The following USH2A variants were observed in gnomAD, a reference collection of about 807,000 sequenced individuals.
USH2A encodes Usher syndrome 2A (autosomal recessive, mild).
In USH2A, 443 loss-of-function variants were observed where a neutral mutation model predicts 538.9. The ratio of observed to expected loss-of-function variants is 0.82; its 90% confidence interval spans 0.76 to 0.89. The LOEUF (loss-of-function observed/expected upper bound fraction) is 0.89. Ranked by LOEUF, USH2A falls within the 40% of genes least tolerant of loss-of-function variation. The pLI, the probability that USH2A is intolerant of heterozygous loss-of-function variation, is 0.00. For missense variants in USH2A, 6,633 were observed against 6,324.8 expected (o/e 1.05, Z -1.65); for synonymous variants, 2,413 against 2,273.5 (o/e 1.06, Z -1.75).
chr1:215,743,427 T>G, intron 58 of USH2A, 92 bp from the exon 59 acceptor site: 1 of 373,046 alleles, frequency 2.7e-6, no homozygotes. Flanking sequence ...TATATATATA[T>G]AGACACACAT....
At chr1:216,061,857 C>A (rs528837363) in intron 30 of USH2A, among the ~76,000 whole-genome samples, 40 of 152,298 alleles carry the variant, frequency 2.6e-4, no homozygotes, top group Non-Finnish European at 1.9e-4. Context: ...AGCACTCCTA[C>A]TCTACCAAAC....
chr1:216,224,978 C>T (rs1025718307), intron 14 of USH2A, among the ~76,000 whole-genome samples: 5 of 151,702 alleles, frequency 3.3e-5, no homozygotes, highest in Non-Finnish European at 7.4e-5. Flanking sequence ...AATAACCTAC[C>T]ACAGTGCCTA....
At chr1:216,350,916 G>T (rs979484239) in intron 4 of USH2A, among the ~76,000 whole-genome samples, 2 of 152,150 alleles carry the variant, frequency 1.3e-5, no homozygotes, top group Non-Finnish European at 2.9e-5. Context: ...GGCCATGAGG[G>T]TTATGCCCCT....
At position 216,418,551 on chromosome 1, in the gene USH2A, C is replaced by A; in HGVS notation, c.614G>T (p.Arg205Ile). The change falls in exon 3 of 72, where the codon AGA (arginine) becomes ATA (isoleucine). Residue 205 changes from arginine to isoleucine, a missense_variant. Physicochemically the swap from Arg to Ile is moderately conservative, Grantham distance 97. Transcript: ENST00000307340. Reference protein sequence around the residue: ...QPPIKVMTLGRILVKKWIHLS... With the variant: ...QPPIKVMTLGIILVKKWIHLS... Reference sequence around the variant, plus strand: ...ATGAATCCATTTCTTCACAAGAATTCTCCCCAGTGTCATTACTTTTATTGG... The same window carrying A: ...ATGAATCCATTTCTTCACAAGAATTATCCCCAGTGTCATTACTTTTATTGG... The A allele has an allele frequency of 6.2e-7, 1 of 1,613,298 alleles. No individual in the cohort carries two copies. The highest frequency in any genetic ancestry group is 8.5e-7 in the Non-Finnish European group (1 of 1,179,528).
chr1:215,714,707 T>C (rs1020576471), intron 61 of USH2A, among the ~76,000 whole-genome samples: 1 of 152,200 alleles, frequency 6.6e-6, no homozygotes, highest in Non-Finnish European at 1.5e-5. Context: ...CAAACGTTTA[T>C]CTGGACTTTT....
chr1:216,337,622 A>G (rs1379939188), intron 4 of USH2A, among the ~76,000 whole-genome samples: 1 of 151,418 alleles, frequency 6.6e-6, no homozygotes, highest in Admixed American at 6.6e-5. Flanking sequence ...CAAGTTGAGG[A>G]TGCTTGCTCT....
intron 58 of USH2A, among the ~76,000 whole-genome samples, chr1:215,748,834 T>C (rs1660551342): frequency 6.6e-6 from 1 of 152,208 alleles, no homozygotes; most frequent in South Asian, 2.1e-4. Flanking sequence ...TCTGTAAGCC[T>C]TTCAATATAT....
intron 4 of USH2A, among the ~76,000 whole-genome samples, chr1:216,338,800 T>C (rs997226708): frequency 6.6e-6 from 1 of 151,500 alleles, no homozygotes; most frequent in Non-Finnish European, 1.5e-5. Context: ...TAATAGTTAC[T>C]AAAGAAATTA....
At chr1:216,069,368 C>T (rs1342866012) in intron 30 of USH2A, among the ~76,000 whole-genome samples, 1 of 152,120 alleles carries the variant, frequency 6.6e-6, no homozygotes, top group African/African-American at 2.4e-5. Flanking sequence ...ATATTTAAGG[C>T]TTTTCTAACG....
At chr1:216,230,840 A>G (rs949942617) in intron 14 of USH2A, among the ~76,000 whole-genome samples, 3 of 151,802 alleles carry the variant, frequency 2.0e-5, no homozygotes, top group Non-Finnish European at 4.4e-5. Context: ...AAGAATTCAT[A>G]GATTTAGTCT....
chr1:216,094,309 C>T (rs2032385696), intron 22 of USH2A, among the ~76,000 whole-genome samples: 1 of 152,112 alleles, frequency 6.6e-6, no homozygotes, highest in African/African-American at 2.4e-5. Context: ...TGAAATCAAA[C>T]ATTTGCCCTA....
Position 216,370,677 on chromosome 1 carries a change from C to CAAAAAAAAAAAAAAAAAAAA in USH2A, c.652-5612_652-5593dup, listed in dbSNP as rs58845914. On this transcript the variant is annotated intron_variant, in intron 3 of 71. Coordinates refer to ENST00000307340, the MANE Select transcript of USH2A (RefSeq NM_206933.4). ...TGGGGAACAGAGCCAGACTCTGTCT[C>CAAAAAAAAAAAAAAAAAAAA]AAAAAAAAAAAAAAAAAAAAAAAAA... Among the ~76,000 whole-genome samples the CAAAAAAAAAAAAAAAAAAAA allele has an allele frequency of 7.0e-4, 21 of 29,998 alleles. 3 individuals carry two copies. Among genetic ancestry groups the CAAAAAAAAAAAAAAAAAAAA allele is most frequent in the Non-Finnish European group, 7.3e-4 (12 of 16,366 alleles). The allele number at this position is 29,998 out of a possible 152,430, so 19.7% of individuals were successfully genotyped here.
intron 23 of USH2A, 125 bp downstream of exon 23, chr1:216,088,888 C>T (rs995216802): frequency 1.3e-5 from 19 of 1,435,464 alleles, no homozygotes; most frequent in Non-Finnish European, 1.8e-5. Context: ...GCAAATTCAA[C>T]AGCAATATAT....
At chr1:216,404,359 A>G (rs1315253304) in intron 3 of USH2A, among the ~76,000 whole-genome samples, 3 of 152,326 alleles carry the variant, frequency 2.0e-5, no homozygotes, top group Non-Finnish European at 4.4e-5. Context: ...TAATTGAAAT[A>G]GCAGGATAAA....
chr1:216,114,137 A>G lies in USH2A; in HGVS notation c.4628-16924T>C, dbSNP rs962623914. 2.6e-5 allele frequency among the ~76,000 whole-genome samples: 4 copies of G among 152,016 alleles called. No individual in the cohort carries two copies. The East Asian group carries it at 5.8e-4, about 22-fold the overall frequency. ...CTTGTTAAGCTATAGTACTTATTAT[A>G]TATTTAATTGATATTAAGAATCAGA... On this transcript the variant is annotated intron_variant, in intron 21 of 71. Transcript: ENST00000307340.
intron 35 of USH2A, among the ~76,000 whole-genome samples, chr1:215,988,890 A>C (rs1667942811): frequency 6.6e-6 from 1 of 152,172 alleles, no homozygotes; most frequent in Admixed American, 6.5e-5. Context: ...AAGGAAGAGA[A>C]CTGAAATAAC....
At chr1:215,933,229 T>G (rs1666407086) in intron 38 of USH2A, among the ~76,000 whole-genome samples, 1 of 151,998 alleles carries the variant, frequency 6.6e-6, no homozygotes, top group Non-Finnish European at 1.5e-5. Context: ...TTCTAAGGTT[T>G]AGAGCCATCA....
intron 21 of USH2A, among the ~76,000 whole-genome samples, chr1:216,159,685 A>C (rs1413096053): frequency 6.6e-6 from 1 of 152,092 alleles, no homozygotes. Context: ...AATGAGATAG[A>C]AACCATTGCA....
intron 13 of USH2A, among the ~76,000 whole-genome samples, chr1:216,238,936 T>C (rs1409975272): frequency 6.6e-6 from 1 of 152,090 alleles, no homozygotes; most frequent in Non-Finnish European, 1.5e-5. Context: ...GATCTAGGTC[T>C]CTCAGACATG....
Sources: allele counts gnomAD v4.1 joint callset (sites outside exome capture counted in the v4.1 genomes callset), GRCh38; gene constraint gnomAD v4.1.1; transcripts MANE v1.5; gene names NCBI Gene and HGNC (gene_info 2026-07-23, HGNC 2026-07-21).